STPG2: variants seen among roughly 807,000 people sequenced by gnomAD.
STPG2 encodes sperm tail PG-rich repeat containing 2, also known as sperm-tail PG-rich repeat-containing protein 2.
STPG2 carries 56 observed loss-of-function variants against 54.2 expected under a neutral mutation model. The observed-to-expected ratio is 1.03, with a 90% confidence interval of 0.83 to 1.29. The LOEUF is 1.29. Ranked by LOEUF, STPG2 falls within the 50% of genes most tolerant of loss-of-function variation. The probability of loss-of-function intolerance (pLI) is 0.00; values close to 1 mark genes in which losing one functional copy is unlikely to be tolerated. For synonymous variants in STPG2, 200 were observed against 181.8 expected, an observed-to-expected ratio of 1.10 and a Z score of -0.81; for missense variants, 596 against 544.9, an observed-to-expected ratio of 1.09 and a Z score of -0.93.
chr4:97,967,013 T>A (rs1362540749), intron 7 of STPG2, among the ~76,000 whole-genome samples: 3 of 152,028 alleles, frequency 2.0e-5, no homozygotes, highest in Non-Finnish European at 4.4e-5. Context: ...ATAACCATAG[T>A]AACCTTAAAT....
chr4:97,796,874 G>A (rs1225793037), intron 9 of STPG2, among the ~76,000 whole-genome samples: 1 of 152,136 alleles, frequency 6.6e-6, no homozygotes, highest in African/African-American at 2.4e-5. Flanking sequence ...ATTTCGTTGA[G>A]CACTGGTTTG....
chr4:97,527,422 C>T (rs1731305989), intron 4 of STPG2, among the ~76,000 whole-genome samples: 1 of 152,152 alleles, frequency 6.6e-6, no homozygotes. Flanking sequence ...TGGGTTCATT[C>T]CAAGTCTTCA....
At chr4:97,681,345 G>C (rs1447735388) in intron 10 of STPG2, among the ~76,000 whole-genome samples, 2 of 151,780 alleles carry the variant, frequency 1.3e-5, no homozygotes, top group Non-Finnish European at 3.0e-5. Context: ...TTCAGGATGT[G>C]CTCTAGTTAG....
At chr4:97,700,302 A>G (rs946406273) in intron 10 of STPG2, among the ~76,000 whole-genome samples, 3 of 152,186 alleles carry the variant, frequency 2.0e-5, no homozygotes, top group Non-Finnish European at 4.4e-5. Flanking sequence ...CTTCTCCTGT[A>G]CTGGACTCCA....
chr4:97,910,552 A>G (rs895238608), intron 8 of STPG2, among the ~76,000 whole-genome samples: 9 of 152,246 alleles, frequency 5.9e-5, no homozygotes, highest in Non-Finnish European at 1.2e-4. Context: ...CACAGCCCAC[A>G]AAAGTGGTCC....
Position 97,860,044 on chromosome 4 carries a change from T to C in STPG2, c.1045-19112A>G, listed in dbSNP as rs1578630307. Among the ~76,000 whole-genome samples the C allele has an allele frequency of 3.9e-5, 6 of 152,228 alleles. No individual in the cohort carries two copies. In the South Asian group the frequency reaches 1.2e-3, roughly 31 times the overall value. The stretch of plus-strand genomic sequence containing the variant: ...CAAAGATCAGTTGCCTGAAAGAATT[T>C]GGCTTTATTTCTGAGTTCTCTATTC... On this transcript the variant is annotated intron_variant, in intron 8 of 10. Coordinates refer to ENST00000295268, the MANE Select transcript of STPG2 (RefSeq NM_174952.3).
At chr4:97,748,274 C>T (rs900054901) in intron 9 of STPG2, among the ~76,000 whole-genome samples, 3 of 151,418 alleles carry the variant, frequency 2.0e-5, no homozygotes, top group African/African-American at 2.4e-5. Flanking sequence ...TAAGATGTGT[C>T]TCATAGTTTT....
intron 8 of STPG2, among the ~76,000 whole-genome samples, chr4:97,921,002 T>C (rs1299994887): frequency 6.6e-6 from 1 of 152,202 alleles, no homozygotes; most frequent in Non-Finnish European, 1.5e-5. Flanking sequence ...GTGGATAACC[T>C]TAACAAGAGC....
chr4:97,600,770 C>T (rs902244972), intron 10 of STPG2, among the ~76,000 whole-genome samples: 1 of 151,968 alleles, frequency 6.6e-6, no homozygotes, highest in African/African-American at 2.4e-5. Flanking sequence ...TTTATATAGA[C>T]CGTTAAAGCC....
At chr4:97,795,203 T>C (rs1016933646) in intron 9 of STPG2, among the ~76,000 whole-genome samples, 3 of 152,226 alleles carry the variant, frequency 2.0e-5, no homozygotes, top group Non-Finnish European at 4.4e-5. Flanking sequence ...TTTTTCTTTC[T>C]TTCTTTATTA....
intron 4 of STPG2, among the ~76,000 whole-genome samples, chr4:97,493,460 T>C (rs529432906): frequency 1.3e-5 from 2 of 151,430 alleles, no homozygotes; most frequent in South Asian, 4.2e-4. Context: ...CTAAAGTTAC[T>C]CAAGGAGAAT....
At chr4:97,768,331 A>G (rs1388665660) in intron 9 of STPG2, among the ~76,000 whole-genome samples, 1 of 152,052 alleles carries the variant, frequency 6.6e-6, no homozygotes. Flanking sequence ...AGAAAAGGAG[A>G]CTTTATTTTT....
At chr4:97,790,316 T>C (rs936182964) in intron 9 of STPG2, among the ~76,000 whole-genome samples, 2 of 152,178 alleles carry the variant, frequency 1.3e-5, no homozygotes, top group African/African-American at 2.4e-5. Context: ...GAGTGTTCTA[T>C]TGATGCTGTA....
chr4:97,503,278 A>G (rs1224349693), intron 4 of STPG2, among the ~76,000 whole-genome samples: 1 of 152,072 alleles, frequency 6.6e-6, no homozygotes, highest in African/African-American at 2.4e-5. Flanking sequence ...CACCATGGAA[A>G]TAGTCAAATG....
chr4:97,949,296 G>A (rs1733370724), intron 7 of STPG2, among the ~76,000 whole-genome samples: 1 of 151,962 alleles, frequency 6.6e-6, no homozygotes, highest in African/African-American at 2.4e-5. Context: ...TTTACCTTGA[G>A]TTTATATAAA....
In STPG2 at chr4:98,137,557, G is replaced by A. The variant is rs72686495; in HGVS notation, c.110-3098C>T. ...TAAGTATTCTATCTCACAATAAAAG[G>A]GTTTTAAGTTTAGGTTCATATGAAC... is the stretch of plus-strand genomic sequence containing the variant. On this transcript the variant is annotated intron_variant, in intron 1 of 10. Coordinates refer to ENST00000295268, the MANE Select transcript of STPG2 (RefSeq NM_174952.3). Among the ~76,000 whole-genome samples, 550 of 151,522 alleles carry A rather than the reference G, an allele frequency of 3.6e-3. 1 individual carries two copies. Among genetic ancestry groups the A allele is most frequent in the Non-Finnish European group, 5.8e-3 (393 of 67,662 alleles).
intron 5 of STPG2, among the ~76,000 whole-genome samples, chr4:98,046,115 C>T (rs1165898483): frequency 1.7e-5 from 1 of 59,474 alleles, no homozygotes; most frequent in Non-Finnish European, 3.8e-5. Flanking sequence ...ATTCACTGAT[C>T]ATTTCTTCTG....
At chr4:97,841,503 A>G (rs750883412) in intron 8 of STPG2, among the ~76,000 whole-genome samples, 1 of 151,852 alleles carries the variant, frequency 6.6e-6, no homozygotes, top group Non-Finnish European at 1.5e-5. Context: ...AATGAAATAT[A>G]AGTGCCATAT....
intron 10 of STPG2, among the ~76,000 whole-genome samples, chr4:97,673,364 G>A (rs762115788): frequency 7.9e-5 from 12 of 152,178 alleles, no homozygotes; most frequent in Middle Eastern, 6.8e-3. Flanking sequence ...AAAAATAAAT[G>A]TTTCAATTAT....
Sources: gnomAD v4.1 joint callset for allele counts (sites outside exome capture counted in the v4.1 genomes callset) on GRCh38, gnomAD v4.1.1 for gene constraint, MANE v1.5 for transcripts, NCBI Gene and HGNC (gene_info 2026-07-23, HGNC 2026-07-21) for gene names.